The following ARHGEF10 variants were observed in gnomAD, a reference collection of about 807,000 sequenced individuals.
ARHGEF10 encodes the protein Rho guanine nucleotide exchange factor 10, also known as Rho guanine nucleotide exchange factor (GEF) 10.
In ARHGEF10, 140 loss-of-function variants were observed where a neutral mutation model predicts 147.4. The ratio of observed to expected loss-of-function variants is 0.95; its 90% confidence interval spans 0.83 to 1.09. The LOEUF is 1.09. Among genes scored for constraint, ARHGEF10 ranks in the 50% least tolerant of loss-of-function variants. The pLI is 0.00. For missense variants in ARHGEF10, 2,222 were observed against 1,752.7 expected (o/e 1.27, Z -4.78); for synonymous variants, 902 against 695.8 (o/e 1.30, Z -4.67).
chr8:1,930,336 C>T (rs544189058), intron 25 of ARHGEF10, among the ~76,000 whole-genome samples: 2 of 152,236 alleles, frequency 1.3e-5, no homozygotes, highest in South Asian at 2.1e-4. Flanking sequence ...GAGACCATGT[C>T]CCAGCTCACT....
intron 14 of ARHGEF10, among the ~76,000 whole-genome samples, chr8:1,897,779 C>T (rs1440302994): frequency 6.6e-6 from 1 of 152,200 alleles, no homozygotes; most frequent in African/African-American, 2.4e-5. Context: ...CCAGCCGTGG[C>T]CGTGACCGCA....
rs563501458 is a variant in ARHGEF10, at chr8:1,938,396, T to G, written c.3222+4454T>G. On this transcript the variant is annotated intron_variant, in intron 26 of 28. Transcript: ENST00000349830. ...ACAGCTGCTTAAAGTGCAAACCTTT[T>G]CTTCCTCACTCTTGATTTTCTGCAA... Among the ~76,000 whole-genome samples the G allele has an allele frequency of 2.6e-5, 4 of 152,336 alleles. No individual in the cohort carries two copies. In the East Asian group the frequency reaches 7.7e-4, roughly 29 times the overall value.
At chr8:1,895,510 A>G (rs1809897784) in intron 13 of ARHGEF10, among the ~76,000 whole-genome samples, 1 of 152,166 alleles carries the variant, frequency 6.6e-6, no homozygotes, top group East Asian at 1.9e-4. Context: ...TTTGCATAAT[A>G]CCGTTTATGG....
intron 18 of ARHGEF10, among the ~76,000 whole-genome samples, chr8:1,912,011 G>T (rs944355835): frequency 2.6e-5 from 4 of 152,194 alleles, no homozygotes; most frequent in African/African-American, 9.7e-5. Flanking sequence ...TTGAATGACT[G>T]TTCTAAAATT....
At chr8:1,936,433 C>G (rs1166644666) in intron 26 of ARHGEF10, among the ~76,000 whole-genome samples, 2 of 152,060 alleles carry the variant, frequency 1.3e-5, no homozygotes, top group African/African-American at 2.4e-5. Flanking sequence ...TCACTTGAGC[C>G]CACGAAGCTG....
rs758128336 is a variant in ARHGEF10 at position 1,945,499 on chromosome 8, C to T, written c.3241C>T (p.Gln1081Ter). ...HAVEGQLEAH[Q>*]EEGMVISHMA... ...TTCACAGGGTCAGCTGGAGGCCCAC[C>T]AGGAGGAAGGCATGGTGATCTCCCA... The change falls in exon 27 of 29, where the codon CAG becomes TAG. Residue 1081 changes from glutamine (Q) to a stop codon, truncating the protein, a stop_gained. Transcript: ENST00000349830. LOFTEE classifies it high-confidence loss of function. 4.4e-6 allele frequency: 7 copies of T among 1,607,418 alleles called. No homozygotes were observed. Among genetic ancestry groups the T allele is most frequent in the South Asian group, 1.1e-5 (1 of 90,064 alleles).
intron 17 of ARHGEF10, among the ~76,000 whole-genome samples, chr8:1,907,144 T>C (rs769354746): frequency 1.1e-4 from 16 of 152,200 alleles, no homozygotes; most frequent in Non-Finnish European, 1.9e-4. Flanking sequence ...ATGCTTAGAA[T>C]TGCGAGGATG....
At chr8:1,854,353 C>T (rs1221996731) in intron 2 of ARHGEF10, among the ~76,000 whole-genome samples, 1 of 152,246 alleles carries the variant, frequency 6.6e-6, no homozygotes, top group Non-Finnish European at 1.5e-5. Flanking sequence ...CAGCTGTGGG[C>T]ACCCATGCAG....
intron 1 of ARHGEF10, among the ~76,000 whole-genome samples, chr8:1,827,492 A>C (rs1246070140): frequency 6.6e-6 from 1 of 152,128 alleles, no homozygotes; most frequent in African/African-American, 2.4e-5. Context: ...TATTTTTAGT[A>C]GACGGGTTTT....
intron 4 of ARHGEF10, among the ~76,000 whole-genome samples, chr8:1,860,705 C>T (rs1367627688): frequency 2.6e-5 from 4 of 152,174 alleles, no homozygotes; most frequent in Non-Finnish European, 5.9e-5. Context: ...AACTTCACCC[C>T]GATCTCTGAT....
intron 27 of ARHGEF10, among the ~76,000 whole-genome samples, chr8:1,949,332 A>G (rs928953135): frequency 6.6e-6 from 1 of 152,222 alleles, no homozygotes; most frequent in East Asian, 1.9e-4. Context: ...GTTCTTTCAC[A>G]TAAGCTACAT....
At chr8:1,832,341 G>A (rs1446049904) in intron 1 of ARHGEF10, among the ~76,000 whole-genome samples, 1 of 151,166 alleles carries the variant, frequency 6.6e-6, no homozygotes, top group Non-Finnish European at 1.5e-5. Flanking sequence ...GACAGAGGGA[G>A]AGAGAGACAG....
chr8:1,934,330 G>A (rs1297094356), intron 26 of ARHGEF10, among the ~76,000 whole-genome samples: 1 of 143,460 alleles, frequency 7.0e-6, no homozygotes, highest in Non-Finnish European at 1.5e-5. Flanking sequence ...CTCCAGCCTG[G>A]GTGACAGAAC....
Position 1,957,869 on chromosome 8 carries a change from AAAGT to A in ARHGEF10, c.*609_*612del, listed in dbSNP as rs1197084519. 3 of 152,484 alleles carry A rather than the reference AAAGT, an allele frequency of 2.0e-5. No homozygotes were observed. The highest frequency in any genetic ancestry group is 4.4e-5 in the Non-Finnish European group (3 of 68,130). The allele number at this position is 152,484 out of a possible 1,614,324, so 9.4% of individuals were successfully genotyped here. A position where few individuals can be genotyped will look rare whatever the true frequency, so the allele number is the denominator to read the frequency against. On this transcript the variant is annotated 3_prime_UTR_variant, in exon 29 of 29. Transcript: ENST00000349830. ...TAATGTGTGTACTGTATATTTTAAC[AAAGT>A]AATATTTTTGTATTGCATTTTTCTA...
At chr8:1,899,358 C>T (rs1425801596) in intron 15 of ARHGEF10, among the ~76,000 whole-genome samples, 1 of 152,194 alleles carries the variant, frequency 6.6e-6, no homozygotes, top group South Asian at 2.1e-4. Context: ...AATGATTGCT[C>T]AGCTTGCTTT....
Position 1,880,059 on chromosome 8 carries a change from C to G in ARHGEF10, c.855C>G (p.Asp285Glu). 1 of 1,612,290 alleles carries G rather than the reference C, an allele frequency of 6.2e-7. No individual in the cohort carries two copies. Among genetic ancestry groups the G allele is most frequent in the Non-Finnish European group, 8.5e-7 (1 of 1,178,310 alleles). ...RSNHKKQLSH[D>E]LTRLKEHYEK... The stretch of plus-strand genomic sequence containing the variant: ...TCTTTATGCTGTAGCTTTCTCATGA[C>G]CTAACCCGTTTAAAGGAGCACTATG... Residue 285 changes from aspartate (D) to glutamate (E), a missense_variant, in exon 9 of 29, where the codon GAC becomes GAG. Asp to Glu is a conservative substitution (Grantham distance 45, BLOSUM62 2). Coordinates refer to ENST00000349830, the MANE Select transcript of ARHGEF10 (RefSeq NM_014629.4).
At chr8:1,926,504 A>G in intron 23 of ARHGEF10, 41 bp downstream of exon 23, 1 of 1,567,038 alleles carries the variant, frequency 6.4e-7, no homozygotes, top group Middle Eastern at 1.7e-4. Flanking sequence ...GTTCACAGAG[A>G]ATCAACGTTC....
At chr8:1,941,890 C>T (rs1301537818) in intron 26 of ARHGEF10, among the ~76,000 whole-genome samples, 2 of 151,928 alleles carry the variant, frequency 1.3e-5, no homozygotes, top group African/African-American at 4.9e-5. Context: ...ACAACAGGTG[C>T]TGCTGGCACA....
chr8:1,858,160 C>A (rs375251991), intron 3 of ARHGEF10, 45 bp downstream of exon 3: 6 of 1,566,442 alleles, frequency 3.8e-6, no homozygotes, highest in Non-Finnish European at 5.2e-6. Flanking sequence ...AGGTGGGTCC[C>A]CAGGTGAGTC....
Sources: allele counts gnomAD v4.1 joint callset (sites outside exome capture counted in the v4.1 genomes callset), GRCh38; gene constraint gnomAD v4.1.1; transcripts MANE v1.5; gene names NCBI Gene and HGNC (gene_info 2026-07-23, HGNC 2026-07-21).